The following SHTN1 variants were observed in gnomAD, a reference collection of about 807,000 sequenced individuals.
SHTN1 encodes the protein shootin 1.
Under a neutral mutation model 83.1 loss-of-function variants are expected in SHTN1, and 42 were observed. The observed-to-expected ratio is 0.51, with a 90% CI of 0.39 to 0.65. SHTN1 has a LOEUF of 0.65. SHTN1 is among the 30% of genes least tolerant of loss of function. The pLI is 0.00. For missense variants in SHTN1, 622 were observed against 737.8 expected (o/e 0.84, Z 1.82); for synonymous variants, 224 against 247.7 (o/e 0.90, Z 0.90).
At chr10:117,005,993 A>C (rs1039737421), upstream of SHTN1, among the ~76,000 whole-genome samples, 1 of 152,152 alleles carries the variant, frequency 6.6e-6, no homozygotes, top group Non-Finnish European at 1.5e-5. Context: ...TGCCCTCTGA[A>C]CTATTTGAAC....
intron 14 of SHTN1, among the ~76,000 whole-genome samples, chr10:116,909,401 G>C (rs567866751): frequency 6.6e-6 from 1 of 152,130 alleles, no homozygotes; most frequent in African/African-American, 2.4e-5. Context: ...TTTAAAAATT[G>C]CTTTTAGTTC....
intron 11 of SHTN1, among the ~76,000 whole-genome samples, chr10:116,926,819 G>A (rs1848760237): frequency 6.6e-6 from 1 of 152,066 alleles, no homozygotes; most frequent in Non-Finnish European, 1.5e-5. Context: ...CTGTCACCAT[G>A]GCAAGGAGGT....
chr10:117,064,369 C>T (rs1342216947), intron 1 of SHTN1, among the ~76,000 whole-genome samples: 1 of 152,184 alleles, frequency 6.6e-6, no homozygotes, highest in African/African-American at 2.4e-5. Flanking sequence ...TAGAAATGTA[C>T]GTTCAGCCAG....
At position 116,888,141 on chromosome 10, in the gene SHTN1, G is replaced by A. The variant is rs556385090; in HGVS notation, c.1674-1575C>T. On this transcript the variant is annotated intron_variant, in intron 16 of 16. Transcript: ENST00000355371. ...GTGGTAAAAACAAAAATAATCAGGA[G>A]CCTGGGGACAGGCTGTGCTGTAGTG... Among the ~76,000 whole-genome samples, 13 of 152,278 alleles carry A rather than the reference G, an allele frequency of 8.5e-5. No homozygotes were observed. In the East Asian group the frequency reaches 2.5e-3, roughly 29 times the overall value.
rs752107175 is a variant in SHTN1, at chr10:116,921,398, C to T, written c.1195+36G>A. 2.7e-6 allele frequency: 4 copies of T among 1,489,962 alleles called. No individual in the cohort carries two copies. The South Asian group carries it at 3.5e-5, about 13-fold the overall frequency. The allele number at this position is 1,489,962 out of a possible 1,614,324, so 92.3% of individuals were successfully genotyped here. A position where few individuals can be genotyped will look rare whatever the true frequency, so the allele number is the denominator to read the frequency against. ...ATGTGAATTGCCCCAAAATGGTACA[C>T]CATCAACCACTTACACCAATAGAAG... On this transcript the variant is annotated intron_variant, in intron 12 of 16. Coordinates refer to ENST00000355371, the MANE Select transcript of SHTN1 (RefSeq NM_001127211.3).
intron 1 of SHTN1, among the ~76,000 whole-genome samples, chr10:117,075,553 G>C (rs1471918437): frequency 6.6e-6 from 1 of 152,166 alleles, no homozygotes; most frequent in Non-Finnish European, 1.5e-5. Context: ...CTAATAATTA[G>C]AGGCAATTAT....
chr10:116,957,084 C>T (rs987531830), intron 4 of SHTN1, among the ~76,000 whole-genome samples: 4 of 151,782 alleles, frequency 2.6e-5, no homozygotes, highest in Non-Finnish European at 5.9e-5. Flanking sequence ...CCACCACACC[C>T]GGCCTAGACA....
chr10:116,993,499 G>C (rs1452097490), intron 1 of SHTN1, among the ~76,000 whole-genome samples: 1 of 151,950 alleles, frequency 6.6e-6, no homozygotes, highest in African/African-American at 2.4e-5. Flanking sequence ...AATAAGACTA[G>C]TTTAATAGTG....
chr10:116,918,025 C>A (rs916111349), intron 12 of SHTN1, among the ~76,000 whole-genome samples: 34 of 152,064 alleles, frequency 2.2e-4, no homozygotes, highest in African/African-American at 7.7e-4. Context: ...TCTAATAAAT[C>A]TGCAAGAATC....
At chr10:117,029,832 TTC>T (rs1852383053) in intron 2 of SHTN1, among the ~76,000 whole-genome samples, 1 of 145,396 alleles carries the variant, frequency 6.9e-6, no homozygotes, top group Non-Finnish European at 1.5e-5. Context: ...AGTTAAACCT[TTC>T]TTTCTTTCTT....
At chr10:116,961,598 G>A (rs1428748731) in intron 3 of SHTN1, among the ~76,000 whole-genome samples, 2 of 152,162 alleles carry the variant, frequency 1.3e-5, no homozygotes, top group African/African-American at 2.4e-5. Context: ...AGCTGCTGAT[G>A]GCATTGACTT....
At chr10:116,940,963 C>A (rs1049956010) in intron 8 of SHTN1, among the ~76,000 whole-genome samples, 37 of 152,098 alleles carry the variant, frequency 2.4e-4, no homozygotes, top group Non-Finnish European at 4.3e-4. Flanking sequence ...TTATTTTAAT[C>A]CTTACATCAA....
chr10:116,998,878 G>A (rs1851726504), intron 1 of SHTN1, among the ~76,000 whole-genome samples: 1 of 152,182 alleles, frequency 6.6e-6, no homozygotes, highest in South Asian at 2.1e-4. Context: ...TCTCTCAGCT[G>A]ACAGAGCAAG....
chr10:116,935,353 TACTAAG>T (rs1478141099), intron 9 of SHTN1, among the ~76,000 whole-genome samples: 1 of 152,242 alleles, frequency 6.6e-6, no homozygotes, highest in Non-Finnish European at 1.5e-5. Flanking sequence ...ATATCTAGTT[TACTAAG>T]ACTTTTTAGC....
At chr10:117,109,719 C>G (rs181780756) in intron 1 of SHTN1, among the ~76,000 whole-genome samples, 1 of 151,738 alleles carries the variant, frequency 6.6e-6, no homozygotes, top group East Asian at 1.9e-4. Flanking sequence ...AGTGCGCCAT[C>G]ATGCCTGGAT....
At chr10:116,968,512 A>C (rs1850481902) in intron 3 of SHTN1, 140 bp downstream of exon 3, 1 of 573,686 alleles carries the variant, frequency 1.7e-6, no homozygotes, top group African/African-American at 1.9e-5. Flanking sequence ...ATGCCTGGGC[A>C]TGTTTGGACA....
intron 3 of SHTN1, among the ~76,000 whole-genome samples, chr10:116,961,087 T>A (rs907814805): frequency 7.9e-5 from 12 of 151,576 alleles, no homozygotes; most frequent in African/African-American, 2.9e-4. Context: ...CAACCCTAAA[T>A]GTAGACATTA....
intron 2 of SHTN1, 118 bp downstream of exon 2, chr10:116,979,138 A>G (rs2133480892): frequency 4.9e-6 from 4 of 820,236 alleles, no homozygotes; most frequent in Non-Finnish European, 8.0e-6. Context: ...AGGGAAGAAA[A>G]GAAAAGAAAA....
rs141781341 is a variant in SHTN1, at chr10:117,065,311, C to T, written c.-188-16801G>A. 3.6e-3 allele frequency among the ~76,000 whole-genome samples: 544 copies of T among 152,226 alleles called. 3 individuals are homozygous for T. Among genetic ancestry groups the T allele is most frequent in the African/African-American group, 0.012 (517 of 41,538 alleles). On this transcript the variant is annotated intron_variant, in intron 1 of 17. Coordinates refer to the SHTN1 transcript ENST00000392901. ...GACATTCTGCACATGTATCCCAGAA[C>T]TTAAAGTAACATTAAAAAACAAGAA... is the stretch of plus-strand genomic sequence containing the variant.
Sources: gnomAD v4.1 joint callset for allele counts (sites outside exome capture counted in the v4.1 genomes callset) on GRCh38, gnomAD v4.1.1 for gene constraint, MANE v1.5 for transcripts, NCBI Gene and HGNC (gene_info 2026-07-23, HGNC 2026-07-21) for gene names.